Variants in DNAJC5 observed in about 807,000 individuals in gnomAD.
The protein encoded by DNAJC5 is dnaJ homolog subfamily C member 5.
Under a neutral mutation model 23.2 loss-of-function variants are expected in DNAJC5, and 1 was observed. That is an observed-to-expected ratio of 0.04 (90% CI 0.02 to 0.20). DNAJC5 has a LOEUF of 0.20. Among genes scored for constraint, DNAJC5 ranks in the 10% least tolerant of loss-of-function variants. The probability of loss-of-function intolerance (pLI) is 1.00; values close to 1 mark genes in which losing one functional copy is unlikely to be tolerated. For synonymous variants in DNAJC5, 136 were observed against 120.0 expected (o/e 1.13, Z -0.87); for missense variants, 180 against 267.0 (o/e 0.67, Z 2.27).
At chr20:63,910,508 A>G (rs1299501560) in intron 1 of DNAJC5, among the ~76,000 whole-genome samples, 2 of 148,248 alleles carry the variant, frequency 1.3e-5, no homozygotes, top group Non-Finnish European at 1.5e-5. Context: ...GCGCCACTGC[A>G]CTCCAGCCTG....
At chr20:63,900,302 G>A (rs1217303489) in intron 1 of DNAJC5, among the ~76,000 whole-genome samples, 1 of 152,068 alleles carries the variant, frequency 6.6e-6, no homozygotes, top group African/African-American at 2.4e-5. Context: ...TTCTGGGCTG[G>A]TGCAGTGGCT....
At chr20:63,911,947 G>A (rs1445578650) in intron 1 of DNAJC5, among the ~76,000 whole-genome samples, 1 of 151,956 alleles carries the variant, frequency 6.6e-6, no homozygotes, top group Non-Finnish European at 1.5e-5. Flanking sequence ...CAAAGTGTTG[G>A]GATTACAGGC....
At chr20:63,930,792 T>TGC (rs2053662540) in intron 3 of DNAJC5, 59 bp from the exon 4 acceptor site, 2 of 1,608,594 alleles carry the variant, frequency 1.2e-6, no homozygotes, top group African/African-American at 2.7e-5. Context: ...TTGGGAGTCC[T>TGC]GCGCCTCCCT....
rs527352783 is a variant in DNAJC5, at chr20:63,928,914, C to A, written c.108-398C>A. Among the ~76,000 whole-genome samples, 3 of 152,244 alleles carry A rather than the reference C, an allele frequency of 2.0e-5. No homozygotes were observed. The highest frequency in any genetic ancestry group is 4.4e-5 in the Non-Finnish European group (3 of 68,046). On this transcript the variant is annotated intron_variant, in intron 2 of 4. Coordinates refer to ENST00000360864, the MANE Select transcript of DNAJC5 (RefSeq NM_025219.3). This position sits in a 1 kb window ranked among gnomAD's most constrained non-coding sequence, Gnocchi z 4.6. ...ACTAATCCAGACAATTCAGATAGTC[C>A]TCCTCTCGTGTGCTAGCATCGTGTA... is the stretch of plus-strand genomic sequence containing the variant.
chr20:63,898,351 T>C (rs1170151410), intron 1 of DNAJC5, among the ~76,000 whole-genome samples: 1 of 152,122 alleles, frequency 6.6e-6, no homozygotes, highest in African/African-American at 2.4e-5. Flanking sequence ...TGATACCCAG[T>C]TAGGAGTATG....
Position 63,910,107 on chromosome 20 carries a change from T to A in DNAJC5, c.-12+14784T>A, listed in dbSNP as rs142718916. Among the ~76,000 whole-genome samples, 327 of 152,344 alleles carry A rather than the reference T, an allele frequency of 2.1e-3. 2 individuals carry two copies. Among genetic ancestry groups the A allele is most frequent in the African/African-American group, 7.5e-3 (310 of 41,580 alleles). On this transcript the variant is annotated intron_variant, in intron 1 of 4. Coordinates refer to ENST00000360864, the MANE Select transcript of DNAJC5 (RefSeq NM_025219.3). ...ACCACTCGTGTCTTCAGACTCGTTC[T>A]GTTCCTGGGGGTGCTTGCTTGTTCT... is the stretch of plus-strand genomic sequence containing the variant.
chr20:63,919,216 C>G (rs191974414), intron 1 of DNAJC5, among the ~76,000 whole-genome samples: 8 of 152,364 alleles, frequency 5.3e-5, no homozygotes, highest in Admixed American at 3.9e-4. Flanking sequence ...CAGGGACCTG[C>G]TAAACTGCAA....
rs1362850307 is a variant in DNAJC5 at position 63,933,694 on chromosome 20, T to A, written c.*2126T>A. On this transcript the variant is annotated 3_prime_UTR_variant, in exon 5 of 5. Coordinates refer to ENST00000360864, the MANE Select transcript of DNAJC5 (RefSeq NM_025219.3). ...TCAGCCTTTGCAATTTTTGTAGATG[T>A]AGCTTAGGACGTGAGTTATTTTTCC... 1.3e-5 allele frequency: 2 copies of A among 152,392 alleles called. No individual in the cohort carries two copies. Among genetic ancestry groups the A allele is most frequent in the East Asian group, 3.7e-4 (2 of 5,340 alleles). The allele number at this position is 152,392 out of a possible 1,614,324, so 9.4% of individuals were successfully genotyped here. A position where few individuals can be genotyped will look rare whatever the true frequency, so the allele number is the denominator to read the frequency against.
Position 63,921,000 on chromosome 20 carries a change from C to A in DNAJC5, c.-11-7335C>A, listed in dbSNP as rs975560791. 6.6e-6 allele frequency among the ~76,000 whole-genome samples: 1 copy of A among 151,990 alleles called. No homozygotes were observed. Among genetic ancestry groups the A allele is most frequent in the East Asian group, 1.9e-4 (1 of 5,162 alleles). On this transcript the variant is annotated intron_variant, in intron 1 of 4. Coordinates refer to ENST00000360864, the MANE Select transcript of DNAJC5 (RefSeq NM_025219.3). The surrounding 1 kb of genome is among the most constrained non-coding windows in gnomAD (Gnocchi z 4.6). ...TTGAGACGGAGTTTCACTATTGTTA[C>A]GCAGACTGGAGTGCAACGGCACGGT...
rs1482847076 is a variant in DNAJC5, at chr20:63,933,747, G to C, written c.*2179G>C. 6.6e-6 allele frequency: 1 copy of C among 152,358 alleles called. No individual in the cohort carries two copies. 9.4% of individuals were successfully genotyped at this position (152,358 alleles called of 1,614,324 possible). Reference sequence around the variant, plus strand: ...AGACTGGCCAAGAGCCAGGTTCTAAGCTTGGACCTAAGGTAGAAAGCTGCC... The same window carrying C: ...AGACTGGCCAAGAGCCAGGTTCTAACCTTGGACCTAAGGTAGAAAGCTGCC... On this transcript the variant is annotated 3_prime_UTR_variant, in exon 5 of 5. Transcript: ENST00000360864.
intron 1 of DNAJC5, among the ~76,000 whole-genome samples, chr20:63,924,471 C>T (rs779693449): frequency 1.3e-5 from 2 of 152,194 alleles, no homozygotes; most frequent in Non-Finnish European, 2.9e-5. Context: ...ACTGCAGCCT[C>T]GAGCTTCTGG....
intron 1 of DNAJC5, among the ~76,000 whole-genome samples, chr20:63,913,385 GTTTT>G (rs1325266010): frequency 6.6e-6 from 1 of 150,408 alleles, no homozygotes; most frequent in Non-Finnish European, 1.5e-5. Context: ...CTAACAGCCT[GTTTT>G]TTTTCTTTCT....
Position 63,920,345 on chromosome 20 carries a change from G to T in DNAJC5, c.-11-7990G>T, listed in dbSNP as rs1387445661. On this transcript the variant is annotated intron_variant, in intron 1 of 4. Transcript: ENST00000360864. This position sits in a 1 kb window ranked among gnomAD's most constrained non-coding sequence, Gnocchi z 4.6. ...TCTGCCCGGGAACAGGTAGTCCTGC[G>T]TCGGACCGGGAAGTGTGGTGGGTGT... is the stretch of plus-strand genomic sequence containing the variant. Among the ~76,000 whole-genome samples, 1 of 152,238 alleles carries T rather than the reference G, an allele frequency of 6.6e-6. No individual in the cohort carries two copies. The highest frequency in any genetic ancestry group is 1.5e-5 in the Non-Finnish European group (1 of 68,036).
chr20:63,928,557 C>G lies in DNAJC5; in HGVS notation c.107+105C>G. 1 of 951,746 alleles carries G rather than the reference C, an allele frequency of 1.1e-6. No homozygotes were observed. The highest frequency in any genetic ancestry group is 1.7e-6 in the Non-Finnish European group (1 of 595,406). The allele number at this position is 951,746 out of a possible 1,614,324, so 59.0% of individuals were successfully genotyped here. A position where few individuals can be genotyped will look rare whatever the true frequency, so the allele number is the denominator to read the frequency against. The stretch of plus-strand genomic sequence containing the variant: ...AACCATTGCACATACTTTATCCTGG[C>G]CGACTCAGCGTTGAACTGGTCACAG... On this transcript the variant is annotated intron_variant, in intron 2 of 4. Transcript: ENST00000360864. This position sits in a 1 kb window ranked among gnomAD's most constrained non-coding sequence, Gnocchi z 4.6.
rs778967672 is a variant in DNAJC5 at position 63,931,053 on chromosome 20, G to A, written c.493+31G>A. On this transcript the variant is annotated intron_variant, in intron 4 of 4. Transcript: ENST00000360864. This position sits in a 1 kb window ranked among gnomAD's most constrained non-coding sequence, Gnocchi z 9.6. ...TGCCCGCCCCAGGGCCCGTGTGTGT[G>A]TGTGGGGCAGAGCCAGAATGGGCCC... is the stretch of plus-strand genomic sequence containing the variant. 1 of 1,609,532 alleles carries A rather than the reference G, an allele frequency of 6.2e-7. No individual in the cohort carries two copies. Among genetic ancestry groups the A allele is most frequent in the South Asian group, 1.1e-5 (1 of 90,976 alleles).
At chr20:63,903,770 C>T (rs940063446) in intron 1 of DNAJC5, among the ~76,000 whole-genome samples, 1 of 151,986 alleles carries the variant, frequency 6.6e-6, no homozygotes, top group African/African-American at 2.4e-5. Flanking sequence ...GCCAACATGG[C>T]GAAACCACGT....
chr20:63,911,570 T>C (rs2053483017), intron 1 of DNAJC5, among the ~76,000 whole-genome samples: 1 of 152,246 alleles, frequency 6.6e-6, no homozygotes, highest in Admixed American at 6.5e-5. Flanking sequence ...TCTCTTGCTG[T>C]TCTCGTGTTG....
rs766665474 is a variant in DNAJC5, at chr20:63,928,473, C to T, written c.107+21C>T. 6 of 1,590,192 alleles carry T rather than the reference C, an allele frequency of 3.8e-6. No homozygotes were observed. In the South Asian group the frequency reaches 5.5e-5, roughly 15 times the overall value. ...TATCGGTAAGTGGACAAGTGTGGCCCCCACATCCCCCCAGGAAGACACACA... is the reference window on the plus strand; with the variant it reads ...TATCGGTAAGTGGACAAGTGTGGCCTCCACATCCCCCCAGGAAGACACACA... On this transcript the variant is annotated intron_variant, in intron 2 of 4. Transcript: ENST00000360864. The surrounding 1 kb of genome is among the most constrained non-coding windows in gnomAD (Gnocchi z 4.6).
chr20:63,912,862 C>T (rs2053490710), intron 1 of DNAJC5, among the ~76,000 whole-genome samples: 1 of 152,170 alleles, frequency 6.6e-6, no homozygotes, highest in African/African-American at 2.4e-5. Flanking sequence ...CCACCTTGGC[C>T]TCCCAAAGTG....
Sources: allele counts gnomAD v4.1 joint callset (sites outside exome capture counted in the v4.1 genomes callset), GRCh38; gene constraint gnomAD v4.1.1; non-coding constraint Gnocchi (gnomAD v3.1); transcripts MANE v1.5; gene names NCBI Gene and HGNC (gene_info 2026-07-23, HGNC 2026-07-21).